GALNT15: variants seen among roughly 807,000 people sequenced by gnomAD.
GALNT15 encodes the protein polypeptide N-acetylgalactosaminyltransferase 15.
Under a neutral mutation model 66.8 loss-of-function variants are expected in GALNT15, and 67 were observed. That is an observed-to-expected ratio of 1.00 (90% CI 0.82 to 1.23). The LOEUF is 1.23. GALNT15 is among the 50% of genes most tolerant of loss of function. The probability of loss-of-function intolerance (pLI) is 0.00; values close to 1 mark genes in which losing one functional copy is unlikely to be tolerated. For missense variants in GALNT15, 827 were observed against 804.3 expected (o/e 1.03, Z -0.34); for synonymous variants, 313 against 311.5 (o/e 1.00, Z -0.05).
rs1427330283 is a variant in GALNT15, at chr3:16,189,952, G to A, written c.540-5808G>A. On this transcript the variant is annotated intron_variant, in intron 1 of 9. Transcript: ENST00000339732. The surrounding 1 kb of genome is among the most constrained non-coding windows in gnomAD (Gnocchi z 5.1). ...CAGAGAGCTTATGGTACTTGCCCAGGTCACATAAGGACAGACTGGGATTTG... is the reference window on the plus strand; with the variant it reads ...CAGAGAGCTTATGGTACTTGCCCAGATCACATAAGGACAGACTGGGATTTG... Among the ~76,000 whole-genome samples, 1 of 152,208 alleles carries A rather than the reference G, an allele frequency of 6.6e-6. No homozygotes were observed. Among genetic ancestry groups the A allele is most frequent in the Non-Finnish European group, 1.5e-5 (1 of 68,028 alleles).
chr3:16,227,783 C>T lies in GALNT15; in HGVS notation c.*283C>T, dbSNP rs1261309120. On this transcript the variant is annotated 3_prime_UTR_variant, in exon 10 of 10. Transcript: ENST00000339732. This position sits in a 1 kb window ranked among gnomAD's most constrained non-coding sequence, Gnocchi z 4.5. ...GTACAGAAGATTCTTTGTTTTTCTC[C>T]ACTGAGCACTTAACAATTGCTTTCT... is the stretch of plus-strand genomic sequence containing the variant. 1 of 1,181,584 alleles carries T rather than the reference C, an allele frequency of 8.5e-7. No homozygotes were observed. Among genetic ancestry groups the T allele is most frequent in the Non-Finnish European group, 1.0e-6 (1 of 953,802 alleles). 73.2% of individuals were successfully genotyped at this position (1,181,584 alleles called of 1,614,324 possible).
chr3:16,209,115 G>C lies in GALNT15; in HGVS notation c.1079+445G>C, dbSNP rs554005588. On this transcript the variant is annotated intron_variant, in intron 4 of 9. Transcript: ENST00000339732. The surrounding 1 kb of genome is among the most constrained non-coding windows in gnomAD (Gnocchi z 4.1). ...AACCAGGTGAATGCTAAGAACCATA[G>C]GTCTCAAATATATCCTATTGTATGG... 2.5e-4 allele frequency among the ~76,000 whole-genome samples: 38 copies of C among 152,236 alleles called. No individual in the cohort carries two copies. Among genetic ancestry groups the C allele is most frequent in the African/African-American group, 8.7e-4 (36 of 41,550 alleles).
intron 2 of GALNT15, among the ~76,000 whole-genome samples, chr3:16,196,669 T>G (rs923324060): frequency 6.6e-6 from 1 of 152,084 alleles, no homozygotes; most frequent in Non-Finnish European, 1.5e-5. Context: ...GGTGATGGAG[T>G]GGGGCCGAAG....
Position 16,182,477 on chromosome 3 carries a change from G to GTT in GALNT15, c.539+6788_539+6789dup, listed in dbSNP as rs2063480811. ...TGCTCAAGTCACTTAAGGTGATGGA[G>GTT]TTACTGCAAGTTTACACAGGAAGTA... On this transcript the variant is annotated intron_variant, in intron 1 of 9. Coordinates refer to ENST00000339732, the MANE Select transcript of GALNT15 (RefSeq NM_054110.5). This position sits in a 1 kb window ranked among gnomAD's most constrained non-coding sequence, Gnocchi z 6.1. Among the ~76,000 whole-genome samples, 1 of 152,258 alleles carries GTT rather than the reference G, an allele frequency of 6.6e-6. No homozygotes were observed. The highest frequency in any genetic ancestry group is 6.5e-5 in the Admixed American group (1 of 15,286).
At chr3:16,208,776 C>A in intron 4 of GALNT15, 106 bp downstream of exon 4, 1 of 996,928 alleles carries the variant, frequency 1.0e-6, no homozygotes, top group Non-Finnish European at 1.5e-6. Flanking sequence ...TAGTAAATTA[C>A]TTAATGTATG....
chr3:16,222,477 G>A, intron 8 of GALNT15, 138 bp from the exon 9 acceptor site: 1 of 1,012,428 alleles, frequency 9.9e-7, no homozygotes, highest in Non-Finnish European at 1.5e-6. Context: ...TTGACCATGA[G>A]ATATGGTCTT....
At chr3:16,218,278 T>C (rs1422737059) in intron 6 of GALNT15, among the ~76,000 whole-genome samples, 1 of 152,218 alleles carries the variant, frequency 6.6e-6, no homozygotes, top group Admixed American at 6.5e-5. Context: ...CGTGTCTTAC[T>C]GTCAGATTGG....
At chr3:16,215,576 T>A (rs2063862106) in intron 6 of GALNT15, among the ~76,000 whole-genome samples, 1 of 152,092 alleles carries the variant, frequency 6.6e-6, no homozygotes, top group Admixed American at 6.6e-5. Flanking sequence ...TCCTCTACAG[T>A]TCTGTCTGAA....
At position 16,180,302 on chromosome 3, in the gene GALNT15, C is replaced by T. The variant is rs938678823; in HGVS notation, c.539+4612C>T. 1.3e-5 allele frequency among the ~76,000 whole-genome samples: 2 copies of T among 152,236 alleles called. No homozygotes were observed. The highest frequency in any genetic ancestry group is 2.4e-5 in the African/African-American group (1 of 41,460). On this transcript the variant is annotated intron_variant, in intron 1 of 9. Coordinates refer to ENST00000339732, the MANE Select transcript of GALNT15 (RefSeq NM_054110.5). This position sits in a 1 kb window ranked among gnomAD's most constrained non-coding sequence, Gnocchi z 5.0. Reference sequence around the variant, plus strand: ...ACAGACTGGCCAGAGCAGTGCTCCTCAAACTTTAAGGTGCATGCGAATCTT... The same window carrying T: ...ACAGACTGGCCAGAGCAGTGCTCCTTAAACTTTAAGGTGCATGCGAATCTT...
In GALNT15 at chr3:16,212,562, G is replaced by C. The variant is rs1171200223; in HGVS notation, c.1198-7G>C. The C allele has an allele frequency of 1.2e-6, 2 of 1,609,288 alleles. No homozygotes were observed. The highest frequency in any genetic ancestry group is 3.3e-5 in the Admixed American group (2 of 59,716). ...GCTGAGGTGTTTATCTTTTCCCTTCGTGGCAGGCCTGGCTCTGTGGTGGCT... is the reference window on the plus strand; with the variant it reads ...GCTGAGGTGTTTATCTTTTCCCTTCCTGGCAGGCCTGGCTCTGTGGTGGCT... On this transcript the variant is annotated splice_region_variant and splice_polypyrimidine_tract_variant and intron_variant, in intron 5 of 9. Transcript: ENST00000339732.
downstream of GALNT15, among the ~76,000 whole-genome samples, chr3:16,234,841 GC>G (rs1242242225): frequency 4.6e-5 from 7 of 151,586 alleles, no homozygotes; most frequent in Non-Finnish European, 7.4e-5. Flanking sequence ...AAACTGCAAG[GC>G]CACAGTATGG....
chr3:16,216,790 G>A (rs1488314531), intron 6 of GALNT15, among the ~76,000 whole-genome samples: 1 of 152,176 alleles, frequency 6.6e-6, no homozygotes, highest in Admixed American at 6.5e-5. Flanking sequence ...GCGCATTCCC[G>A]GAGGAAGGTC....
At chr3:16,197,259 C>T (rs969319564) in intron 2 of GALNT15, among the ~76,000 whole-genome samples, 3 of 152,140 alleles carry the variant, frequency 2.0e-5, no homozygotes, top group Non-Finnish European at 4.4e-5. Context: ...CTGGCAGCCC[C>T]ACCAGAGGGG....
chr3:16,214,390 A>G (rs1160770783), intron 6 of GALNT15, among the ~76,000 whole-genome samples: 1 of 152,226 alleles, frequency 6.6e-6, no homozygotes, highest in East Asian at 1.9e-4. Context: ...AGTTACTTAA[A>G]CACTCAGTGT....
At position 16,181,542 on chromosome 3, in the gene GALNT15, G is replaced by A. The variant is rs1336187330; in HGVS notation, c.539+5852G>A. Among the ~76,000 whole-genome samples, 10 of 152,120 alleles carry A rather than the reference G, an allele frequency of 6.6e-5. No individual in the cohort carries two copies. Among genetic ancestry groups the A allele is most frequent in the South Asian group, 6.2e-4 (3 of 4,822 alleles). On this transcript the variant is annotated intron_variant, in intron 1 of 9. Transcript: ENST00000339732. This position sits in a 1 kb window ranked among gnomAD's most constrained non-coding sequence, Gnocchi z 5.9. ...TAGAAGATGGTGTTGCAATCCACGC[G>A]GGGTCCACTCAGTTCCCTGTGAAGA...
Position 16,225,799 on chromosome 3 carries a change from G to A in GALNT15, c.1774-1555G>A, listed in dbSNP as rs2064004444. ...ACACACGGTGCCCAACACTTTGAGAGGCAGAGGTGGGTGGATCACTTGAGG... is the reference window on the plus strand; with the variant it reads ...ACACACGGTGCCCAACACTTTGAGAAGCAGAGGTGGGTGGATCACTTGAGG... On this transcript the variant is annotated intron_variant, in intron 9 of 9. Transcript: ENST00000339732. The surrounding 1 kb of genome is among the most constrained non-coding windows in gnomAD (Gnocchi z 4.4). 6.6e-6 allele frequency among the ~76,000 whole-genome samples: 1 copy of A among 152,036 alleles called. No homozygotes were observed. Among genetic ancestry groups the A allele is most frequent in the Admixed American group, 6.6e-5 (1 of 15,260 alleles).
At position 16,218,140 on chromosome 3, in the gene GALNT15, G is replaced by A. The variant is rs1019338078; in HGVS notation, c.1393-1263G>A. Among the ~76,000 whole-genome samples, 3 of 152,196 alleles carry A rather than the reference G, an allele frequency of 2.0e-5. No individual in the cohort carries two copies. In the South Asian group the frequency reaches 6.2e-4, roughly 31 times the overall value. ...GGCATTTCTCAGGCAGATGCTCAGG[G>A]AATCACACTTTGAGAAGTGTCTAGA... On this transcript the variant is annotated intron_variant, in intron 6 of 9. Transcript: ENST00000339732.
the GALNT15 span, among the ~76,000 whole-genome samples, chr3:16,241,645 T>C: frequency 6.6e-6 from 1 of 151,874 alleles, no homozygotes; most frequent in African/African-American, 2.4e-5. This position sits in a 1 kb window ranked among gnomAD's most constrained non-coding sequence, Gnocchi z 4.6. Context: ...GCCTCCTGGG[T>C]TCAAGCGATT....
intron 1 of GALNT15, among the ~76,000 whole-genome samples, chr3:16,178,639 AAG>A (rs1222492717): frequency 1.3e-5 from 2 of 152,154 alleles, no homozygotes; most frequent in African/African-American, 2.4e-5. Flanking sequence ...CTGCATGCAC[AAG>A]AGAGTCCCTG....
Sources: gnomAD v4.1 joint callset for allele counts (sites outside exome capture counted in the v4.1 genomes callset) on GRCh38, gnomAD v4.1.1 for gene constraint, Gnocchi (gnomAD v3.1) non-coding constraint, MANE v1.5 for transcripts, NCBI Gene and HGNC (gene_info 2026-07-23, HGNC 2026-07-21) for gene names.